Variants in CNTN5 observed in about 807,000 individuals in gnomAD.
CNTN5 encodes contactin-5.
A neutral mutation model predicts 129.1 loss-of-function variants in CNTN5; 77 were observed. That is an observed-to-expected ratio of 0.60 (90% CI 0.50 to 0.72). CNTN5 has a LOEUF of 0.72. Among genes scored for constraint, CNTN5 ranks in the 30% least tolerant of loss-of-function variants. The pLI is 0.00. For missense variants in CNTN5, 1,478 were observed against 1,328.8 expected (o/e 1.11, Z -1.75); for synonymous variants, 509 against 465.6 (o/e 1.09, Z -1.20).
intron 2 of CNTN5, among the ~76,000 whole-genome samples, chr11:99,361,804 G>A (rs78196723): frequency 0.088 from 13,309 of 152,062 alleles, 906 homozygotes; most frequent in African/African-American, 0.18. Context: ...CCGTGTCATG[G>A]CATGCATCAG....
chr11:99,711,239 A>G (rs929366463), intron 3 of CNTN5, among the ~76,000 whole-genome samples: 2 of 152,058 alleles, frequency 1.3e-5, no homozygotes, highest in East Asian at 1.9e-4. Flanking sequence ...GATGATATTT[A>G]TAAATTTCCT....
intron 1 of CNTN5, among the ~76,000 whole-genome samples, chr11:99,213,998 T>A (rs927913867): frequency 2.6e-5 from 4 of 152,136 alleles, no homozygotes; most frequent in Non-Finnish European, 2.9e-5. Context: ...TTTCTCTACT[T>A]GATATTAGCA....
At chr11:99,437,519 T>A (rs540053866) in intron 2 of CNTN5, among the ~76,000 whole-genome samples, 1 of 152,200 alleles carries the variant, frequency 6.6e-6, no homozygotes, top group Non-Finnish European at 1.5e-5. Context: ...AAGCTAGTCA[T>A]AAAATATATT....
Position 100,061,158 on chromosome 11 carries a change from C to T in CNTN5, c.981-54C>T, listed in dbSNP as rs370213308. The T allele has an allele frequency of 7.9e-6, 11 of 1,392,930 alleles. No homozygotes were observed. In the African/African-American group the frequency reaches 1.3e-4, roughly 16 times the overall value. 86.3% of individuals were successfully genotyped at this position (1,392,930 alleles called of 1,614,324 possible). A position where few individuals can be genotyped will look rare whatever the true frequency, so the allele number is the denominator to read the frequency against. ...TGCTTAAATTACCAGATAACAGAATCTATGTTCCTAACAGTGGAGAGTGTA... is the reference window on the plus strand; with the variant it reads ...TGCTTAAATTACCAGATAACAGAATTTATGTTCCTAACAGTGGAGAGTGTA... On this transcript the variant is annotated intron_variant, in intron 9 of 24. Transcript: ENST00000524871.
At chr11:99,763,191 A>G (rs1202307404) in intron 3 of CNTN5, among the ~76,000 whole-genome samples, 1 of 152,136 alleles carries the variant, frequency 6.6e-6, no homozygotes, top group South Asian at 2.1e-4. Context: ...ATTATTTGAA[A>G]TGTGTATCAG....
intron 1 of CNTN5, among the ~76,000 whole-genome samples, chr11:99,026,315 A>G (rs561848803): frequency 6.6e-6 from 1 of 151,790 alleles, no homozygotes; most frequent in East Asian, 1.9e-4. Context: ...TTTCTAAAAG[A>G]TATAGACTGG....
At chr11:99,170,195 G>A (rs10892843) in intron 1 of CNTN5, among the ~76,000 whole-genome samples, 102,156 of 151,946 alleles carry the variant, frequency 0.67, 34,726 homozygotes, top group East Asian at 0.94. Flanking sequence ...ATGGAACCAA[G>A]CACTGCTCTA....
intron 3 of CNTN5, among the ~76,000 whole-genome samples, chr11:99,557,943 C>G (rs1400814901): frequency 2.2e-4 from 34 of 151,430 alleles, no homozygotes; most frequent in Non-Finnish European, 7.4e-5. Flanking sequence ...ACTGAAAAAA[C>G]AAAAAACCAA....
chr11:100,217,520 T>C, intron 15 of CNTN5, among the ~76,000 whole-genome samples: 1 of 152,212 alleles, frequency 6.6e-6, no homozygotes, highest in Non-Finnish European at 1.5e-5. Flanking sequence ...TGGTCATGTA[T>C]TACTAGCTAT....
chr11:99,381,442 T>C (rs957251700), intron 2 of CNTN5, among the ~76,000 whole-genome samples: 6 of 152,202 alleles, frequency 3.9e-5, no homozygotes, highest in African/African-American at 1.2e-4. Context: ...AGTATTTTAA[T>C]GCAATTGGCA....
chr11:100,189,681 T>C (rs1275731415), intron 13 of CNTN5, among the ~76,000 whole-genome samples: 1 of 152,122 alleles, frequency 6.6e-6, no homozygotes, highest in Admixed American at 6.6e-5. Flanking sequence ...ATGGAATAAA[T>C]AACATTTCAT....
intron 3 of CNTN5, among the ~76,000 whole-genome samples, chr11:99,623,970 A>T (rs1243169313): frequency 6.6e-6 from 1 of 152,138 alleles, no homozygotes; most frequent in African/African-American, 2.4e-5. Context: ...AGAAGTTGAT[A>T]TTCTGTCTTC....
chr11:99,427,356 A>G (rs1181246995), intron 2 of CNTN5, among the ~76,000 whole-genome samples: 2 of 152,216 alleles, frequency 1.3e-5, no homozygotes, highest in Admixed American at 1.3e-4. Context: ...GGGGGAAATA[A>G]TTACAAAAAC....
Position 100,319,299 on chromosome 11 carries a change from C to T in CNTN5, c.2730+10831C>T, listed in dbSNP as rs535955301. ...TCCCAAGTAGCTGGGATTACAGGCACGCACCACTGTGCCCAGGTGATTTTT... is the reference window on the plus strand; with the variant it reads ...TCCCAAGTAGCTGGGATTACAGGCATGCACCACTGTGCCCAGGTGATTTTT... On this transcript the variant is annotated intron_variant, in intron 21 of 24. Transcript: ENST00000524871. 6.6e-5 allele frequency among the ~76,000 whole-genome samples: 10 copies of T among 151,980 alleles called. No individual in the cohort carries two copies. In the East Asian group the frequency reaches 9.7e-4, roughly 15 times the overall value.
chr11:100,007,783 A>G (rs1940285737), intron 9 of CNTN5, among the ~76,000 whole-genome samples: 1 of 151,154 alleles, frequency 6.6e-6, no homozygotes, highest in Non-Finnish European at 1.5e-5. Flanking sequence ...ATTTCCTTCA[A>G]AAACTTTTTT....
intron 1 of CNTN5, among the ~76,000 whole-genome samples, chr11:99,314,765 A>T (rs1424646797): frequency 6.7e-6 from 1 of 149,892 alleles, no homozygotes; most frequent in African/African-American, 2.4e-5. Context: ...GAAGAAGAGG[A>T]TGGGGAGGAG....
chr11:99,636,137 T>C (rs559335045), intron 3 of CNTN5, among the ~76,000 whole-genome samples: 2 of 152,180 alleles, frequency 1.3e-5, no homozygotes, highest in South Asian at 2.1e-4. Flanking sequence ...TAGATACCCA[T>C]ATGCATATAC....
chr11:99,761,206 G>T (rs1187442806), intron 3 of CNTN5, among the ~76,000 whole-genome samples: 1 of 151,954 alleles, frequency 6.6e-6, no homozygotes, highest in Non-Finnish European at 1.5e-5. Flanking sequence ...TTGCCTTTAG[G>T]TATATGGATC....
At position 99,783,156 on chromosome 11, in the gene CNTN5, G is replaced by A. The variant is rs1280752487; in HGVS notation, c.56-36388G>A. The stretch of plus-strand genomic sequence containing the variant: ...AAAACAACCCCATCAAAAAGTGGGC[G>A]AAGGACATGAACAGACACTTCTCAA... On this transcript the variant is annotated intron_variant, in intron 3 of 24. Coordinates refer to ENST00000524871, the MANE Select transcript of CNTN5 (RefSeq NM_014361.4). 3.9e-3 allele frequency among the ~76,000 whole-genome samples: 324 copies of A among 82,178 alleles called. 21 individuals carry two copies. Among genetic ancestry groups the A allele is most frequent in the African/African-American group, 0.014 (304 of 21,754 alleles). 53.9% of individuals were successfully genotyped at this position (82,178 alleles called of 152,430 possible).
Sources: allele counts gnomAD v4.1 joint callset (sites outside exome capture counted in the v4.1 genomes callset), GRCh38; gene constraint gnomAD v4.1.1; transcripts MANE v1.5; gene names NCBI Gene and HGNC (gene_info 2026-07-23, HGNC 2026-07-21).